The following NLRP9 variants were observed in gnomAD, a reference collection of about 807,000 sequenced individuals.
NLRP9 encodes NACHT, LRR and PYD domains-containing protein 9.
In NLRP9, 88 loss-of-function variants were observed where a neutral mutation model predicts 83.1. The observed-to-expected ratio is 1.06, with a 90% CI of 0.89 to 1.26. The LOEUF is 1.26. Among genes scored for constraint, NLRP9 ranks in the 50% most tolerant of loss-of-function variants. The pLI is 0.00. For missense variants in NLRP9, 1,308 were observed against 1,179.3 expected (o/e 1.11, Z -1.60); for synonymous variants, 521 against 447.6 (o/e 1.16, Z -2.07).
At chr19:55,718,310 C>T (rs545178151) in intron 4 of NLRP9, among the ~76,000 whole-genome samples, 85 of 152,298 alleles carry the variant, frequency 5.6e-4, no homozygotes, top group Non-Finnish European at 7.9e-4. Flanking sequence ...ACCCGACACC[C>T]GTAAAGGGTC....
intron 3 of NLRP9, among the ~76,000 whole-genome samples, chr19:55,725,314 T>C (rs1041123322): frequency 1.3e-5 from 2 of 152,170 alleles, no homozygotes; most frequent in African/African-American, 4.8e-5. Flanking sequence ...TAAATGTGTA[T>C]TTACAAACCA....
chr19:55,714,992 C>T, intron 6 of NLRP9, 63 bp downstream of exon 6: 1 of 1,466,958 alleles, frequency 6.8e-7, no homozygotes, highest in South Asian at 1.3e-5. Context: ...CTATGTCTTT[C>T]CTAGAGCCAC....
rs931279543 is a variant in NLRP9 at position 55,712,712 on chromosome 19, G to A, written c.2502-122C>T. 11 of 758,324 alleles carry A rather than the reference G, an allele frequency of 1.5e-5. No homozygotes were observed. The East Asian group carries it at 3.1e-4, about 21-fold the overall frequency. 47.0% of individuals were successfully genotyped at this position (758,324 alleles called of 1,614,324 possible). A position where few individuals can be genotyped will look rare whatever the true frequency, so the allele number is the denominator to read the frequency against. ...AAGTAAATCTGAGATGATGAGGAGG[G>A]TGGGGAGGGGAAGGAGGAGAGAAGA... On this transcript the variant is annotated intron_variant, in intron 6 of 8. Coordinates refer to ENST00000332836, the MANE Select transcript of NLRP9 (RefSeq NM_176820.4).
rs148016595 is a variant in NLRP9 at position 55,728,744 on chromosome 19, A to G, written c.1994+1087T>C. ...CAACGCAATAACTCTTACCAAAAAG[A>G]TGTATAAGGTGCTTTGGGAGCATAG... On this transcript the variant is annotated intron_variant, in intron 3 of 8. Transcript: ENST00000332836. Among the ~76,000 whole-genome samples the G allele has an allele frequency of 2.4e-3, 359 of 152,314 alleles. 1 individual carries two copies. Among genetic ancestry groups the G allele is most frequent in the Non-Finnish European group, 4.0e-3 (275 of 68,030 alleles).
chr19:55,727,023 C>G (rs192833638), intron 3 of NLRP9, among the ~76,000 whole-genome samples: 1 of 152,108 alleles, frequency 6.6e-6, no homozygotes, highest in Non-Finnish European at 1.5e-5. Context: ...GAGGTCAAGG[C>G]AGGTGGATCA....
chr19:55,710,015 G>A (rs989693282), intron 8 of NLRP9, among the ~76,000 whole-genome samples: 1 of 152,116 alleles, frequency 6.6e-6, no homozygotes, highest in Non-Finnish European at 1.5e-5. Context: ...GGATTAGCAG[G>A]TCACAAAATT....
At position 55,732,333 on chromosome 19, in the gene NLRP9, T is replaced by C; in HGVS notation, c.1498A>G (p.Thr500Ala). Residue 500 changes from threonine (T) to alanine (A), a missense_variant, in exon 2 of 9, where the codon ACA becomes GCA. Transcript: ENST00000332836. ...TCCAGCATGCTGACGATTTCTTCTG[T>C]TGAAATTCCAAACATGAATATCCCC... ...QVGIFMFGISTEEIVSMLETS... is the reference protein window; with the variant it reads ...QVGIFMFGISAEEIVSMLETS... The C allele has an allele frequency of 3.7e-6, 6 of 1,614,214 alleles. No individual in the cohort carries two copies. Among genetic ancestry groups the C allele is most frequent in the Middle Eastern group, 3.3e-4 (2 of 6,062 alleles).
chr19:55,714,919 G>A (rs559813415), intron 6 of NLRP9, 136 bp downstream of exon 6: 1 of 751,598 alleles, frequency 1.3e-6, no homozygotes, highest in South Asian at 1.9e-5. Context: ...CAGCCTGGGG[G>A]TGAGGACCCA....
At chr19:55,724,687 T>G (rs1336855533) in intron 3 of NLRP9, among the ~76,000 whole-genome samples, 1 of 152,148 alleles carries the variant, frequency 6.6e-6, no homozygotes, top group African/African-American at 2.4e-5. Flanking sequence ...GCTTTTCTCC[T>G]TGTTGCTTTT....
chr19:55,716,657 G>C lies in NLRP9; in HGVS notation c.2330+71C>G, dbSNP rs1047486267. 3.0e-6 allele frequency: 4 copies of C among 1,314,316 alleles called. No homozygotes were observed. In the East Asian group the frequency reaches 9.3e-5, roughly 30 times the overall value. 81.4% of individuals were successfully genotyped at this position (1,314,316 alleles called of 1,614,324 possible). On this transcript the variant is annotated intron_variant, in intron 5 of 8. Transcript: ENST00000332836. ...TGCACCCCTCAGTGAGCACCGCGTT[G>C]CTTTGATAATGGGTGGATCCAGGTG...
intron 3 of NLRP9, among the ~76,000 whole-genome samples, chr19:55,727,500 C>A (rs1210726928): frequency 6.6e-6 from 1 of 152,142 alleles, no homozygotes; most frequent in Non-Finnish European, 1.5e-5. Context: ...GTCTTCATTG[C>A]AAGACCACTA....
rs370169487 is a variant in NLRP9, at chr19:55,738,171, T to C, written c.204A>G (p.Ala68=). Residue 68 remains alanine (A), a synonymous_variant, in exon 1 of 9, where the codon GCA becomes GCG. Coordinates refer to ENST00000332836, the MANE Select transcript of NLRP9 (RefSeq NM_176820.4). ...LLDKHYPGKQ[A]WEVTLNLFLQ... is the part of the protein sequence containing the mutation. The stretch of plus-strand genomic sequence containing the variant: ...GAAACAGGTTCAGTGTTACCTCCCA[T>C]GCCTGCTTTCCTGGGTAATGTTTGT... 22 of 1,613,908 alleles carry C rather than the reference T, an allele frequency of 1.4e-5. No individual in the cohort carries two copies. The highest frequency in any genetic ancestry group is 1.6e-5 in the Non-Finnish European group (19 of 1,179,910).
In NLRP9 at chr19:55,718,761, G is replaced by A. The variant is rs550938568; in HGVS notation, c.2160-1863C>T. 3.9e-5 allele frequency among the ~76,000 whole-genome samples: 6 copies of A among 152,334 alleles called. No homozygotes were observed. The South Asian group carries it at 1.2e-3, about 32-fold the overall frequency. ...GCCAGTGCGGGTCCTCGCACGTTAA[G>A]CGTCTGTCCCCTGGGCCCACTGTTC... On this transcript the variant is annotated intron_variant, in intron 4 of 8. Coordinates refer to ENST00000332836, the MANE Select transcript of NLRP9 (RefSeq NM_176820.4).
rs1280907315 is a variant in NLRP9, at chr19:55,733,372, A to G, written c.459T>C (p.Pro153=). 4.3e-6 allele frequency: 7 copies of G among 1,614,048 alleles called. No individual in the cohort carries two copies. Among genetic ancestry groups the G allele is most frequent in the Admixed American group, 3.3e-5 (2 of 60,000 alleles). Residue 153 remains proline, a synonymous_variant, in exon 2 of 9, where the codon CCT becomes CCC. Transcript: ENST00000332836. ...ARRHTVVLEG[P]DGIGKTTLLR... is the part of the protein sequence containing the mutation. ...AAAGGGTTGTTTTTCCAATTCCATC[A>G]GGACCTTCCAGGACCACAGTGTGTC...
intron 1 of NLRP9, among the ~76,000 whole-genome samples, chr19:55,734,534 T>TATATAC (rs1555796276): frequency 5.7e-5 from 8 of 140,386 alleles, no homozygotes; most frequent in African/African-American, 1.2e-4. Flanking sequence ...CACATATATA[T>TATATAC]ATATATATAC....
intron 1 of NLRP9, among the ~76,000 whole-genome samples, chr19:55,735,870 T>A (rs1005584836): frequency 6.6e-6 from 1 of 151,788 alleles, no homozygotes; most frequent in Non-Finnish European, 1.5e-5. Flanking sequence ...GTATTTTTAG[T>A]AGATAGAGTG....
chr19:55,732,348 T>A lies in NLRP9; in HGVS notation c.1483A>T (p.Met495Leu). 1 of 1,614,188 alleles carries A rather than the reference T, an allele frequency of 6.2e-7. No homozygotes were observed. The highest frequency in any genetic ancestry group is 8.5e-7 in the Non-Finnish European group (1 of 1,180,016). Reference protein sequence around the residue: ...QTLLTQVGIFMFGISTEEIVS... With the variant: ...QTLLTQVGIFLFGISTEEIVS... ...ATTTCTTCTGTTGAAATTCCAAACA[T>A]GAATATCCCCACCTGGGTCAAGAGG... is the stretch of plus-strand genomic sequence containing the variant. Residue 495 changes from methionine (M) to leucine (L), a missense_variant, in exon 2 of 9, where the codon ATG becomes TTG. By Grantham distance (15) the Met-to-Leu change is conservative (BLOSUM62 2). Coordinates refer to ENST00000332836, the MANE Select transcript of NLRP9 (RefSeq NM_176820.4).
At chr19:55,726,346 T>A (rs1053972389) in intron 3 of NLRP9, among the ~76,000 whole-genome samples, 1 of 152,226 alleles carries the variant, frequency 6.6e-6, no homozygotes, top group Non-Finnish European at 1.5e-5. Flanking sequence ...TGATACCATT[T>A]GTTGACTATT....
At chr19:55,721,961 G>A (rs1988239920) in intron 4 of NLRP9, among the ~76,000 whole-genome samples, 2 of 152,182 alleles carry the variant, frequency 1.3e-5, no homozygotes, top group African/African-American at 4.8e-5. Flanking sequence ...ATTGCCCAGT[G>A]TTGGGTATGT....
Sources: gnomAD v4.1 joint callset for allele counts (sites outside exome capture counted in the v4.1 genomes callset) on GRCh38, gnomAD v4.1.1 for gene constraint, MANE v1.5 for transcripts, NCBI Gene and HGNC (gene_info 2026-07-23, HGNC 2026-07-21) for gene names.